FASN: variants seen among roughly 807,000 people sequenced by gnomAD.
FASN encodes 3-hydroxyacyl-[acyl-carrier-protein] dehydratase.
FASN carries 50 observed loss-of-function variants against 250.0 expected under a neutral mutation model. The observed-to-expected ratio is 0.20, with a 90% confidence interval of 0.16 to 0.25. FASN has a LOEUF of 0.25. Ranked by LOEUF, FASN falls within the 10% of genes least tolerant of loss-of-function variation. The pLI is 1.00. For missense variants in FASN, 3,031 were observed against 3,498.5 expected (o/e 0.87, Z 3.37); for synonymous variants, 1,909 against 1,584.0 (o/e 1.21, Z -4.87).
At position 82,090,378 on chromosome 17, in the gene FASN, C is replaced by T. The variant is rs750093311; in HGVS notation, c.1867G>A (p.Val623Met). Residue 623 changes from valine (V) to methionine (M), a missense_variant, in exon 11 of 43, where the codon GTG (valine) becomes ATG (methionine). By Grantham distance (21) the Val-to-Met change is conservative. Transcript: ENST00000306749. ...AHLPPGAMAA[V>M]GLSWEECKQR... ...GGGGCCCCTCCGGGAGACCTACCCA[C>T]GGCTGCCATGGCGCCCGGCGGGAGA... 4.4e-6 allele frequency: 7 copies of T among 1,585,100 alleles called. No individual in the cohort carries two copies. The highest frequency in any genetic ancestry group is 2.3e-5 in the East Asian group (1 of 43,798).
rs1351528132 is a variant in FASN, at chr17:82,085,020, G to A, written c.4409+15C>T. 4.4e-6 allele frequency: 7 copies of A among 1,601,750 alleles called. No homozygotes were observed. The highest frequency in any genetic ancestry group is 1.1e-5 in the South Asian group (1 of 89,840). ...CTGGTGGGGAAGGGGAAGTGGTGAGGGGCCGTGCTCCTACCGGAGGCGGTT... is the reference window on the plus strand; with the variant it reads ...CTGGTGGGGAAGGGGAAGTGGTGAGAGGCCGTGCTCCTACCGGAGGCGGTT... On this transcript the variant is annotated intron_variant, in intron 25 of 42. Coordinates refer to ENST00000306749, the MANE Select transcript of FASN (RefSeq NM_004104.5).
In FASN at chr17:82,091,285, G is replaced by A. The variant is rs1009899437; in HGVS notation, c.1429C>T (p.Arg477Cys). The change falls in exon 9 of 43, where the codon CGC becomes TGC. Residue 477 changes from arginine to cysteine, a missense_variant. Coordinates refer to ENST00000306749, the MANE Select transcript of FASN (RefSeq NM_004104.5). ...ACCTGCTGCACCTCTGGGCCACCGC[G>A]CTCACCACCCAGCACAGCGTAGCCA... ...FRGYAVLGGE[R>C]GGPEVQQVPA... The A allele has an allele frequency of 8.1e-6, 13 of 1,608,128 alleles. No homozygotes were observed. The highest frequency in any genetic ancestry group is 1.7e-5 in the Admixed American group (1 of 59,706).
chr17:82,084,190 C>T (rs541246772), intron 28 of FASN, 37 bp from the exon 29 acceptor site: 23 of 1,608,150 alleles, frequency 1.4e-5, no homozygotes, highest in Admixed American at 8.4e-5. Context: ...CAGGCCTGGC[C>T]GCCATCCACG....
rs769430516 is a variant in FASN, at chr17:82,089,159, G to A, written c.2114C>T (p.Pro705Leu). Residue 705 changes from proline to leucine, a missense_variant, in exon 14 of 43, where the codon CCG (proline) becomes CTG (leucine). Physicochemically the swap from Pro to Leu is moderately conservative, Grantham distance 98 (BLOSUM62 -3). Transcript: ENST00000306749. ...LQELKKVIRE[P>L]KPRSARWLST... ...GAGCCAGCGGGCTGAACGTGGCTTC[G>A]GCTCCCGGATCACCTGCATGAGGGG... 6.4e-7 allele frequency: 1 copy of A among 1,574,576 alleles called. No individual in the cohort carries two copies. Among genetic ancestry groups the A allele is most frequent in the Non-Finnish European group, 8.6e-7 (1 of 1,160,438 alleles).
chr17:82,088,719 C>T (rs766689558), intron 15 of FASN, 42 bp downstream of exon 15: 5 of 1,574,940 alleles, frequency 3.2e-6, no homozygotes, highest in Non-Finnish European at 3.5e-6. Flanking sequence ...CCACGCCGTC[C>T]CCGACTCCGG....
At chr17:82,080,338 C>G in intron 40 of FASN, 32 bp downstream of exon 40, 1 of 1,607,392 alleles carries the variant, frequency 6.2e-7, no homozygotes, top group Non-Finnish European at 8.5e-7. Flanking sequence ...CAGACGTTTG[C>G]CGTAGGCCTC....
intron 8 of FASN, 133 bp downstream of exon 8, chr17:82,092,322 C>T (rs575267148): frequency 2.3e-5 from 22 of 969,230 alleles, no homozygotes; most frequent in African/African-American, 6.4e-5. Context: ...CAGCATAGCC[C>T]GGGGGACAGA....
At position 82,088,951 on chromosome 17, in the gene FASN, C is replaced by T. The variant is rs1223568458; in HGVS notation, c.2304+18G>A. On this transcript the variant is annotated intron_variant, in intron 14 of 42. Coordinates refer to ENST00000306749, the MANE Select transcript of FASN (RefSeq NM_004104.5). ...CATCCCAGGCTCCCGGCGCCTGCTG[C>T]CCCCAGGCTGGGCCTACCTGCAGCA... 6.2e-7 allele frequency: 1 copy of T among 1,607,910 alleles called. No homozygotes were observed. The highest frequency in any genetic ancestry group is 2.2e-5 in the East Asian group (1 of 44,578).
Position 82,093,713 on chromosome 17 carries a change from G to A in FASN, c.339C>T (p.Gly113=), listed in dbSNP as rs778281758. The A allele has an allele frequency of 4.3e-6, 7 of 1,612,774 alleles. 1 individual carries two copies. Among genetic ancestry groups the A allele is most frequent in the South Asian group, 2.2e-5 (2 of 91,080 alleles). ...GGCTCAGGGCCTCCGAGGTCTCAGA[G>A]CCGCTCACGCCCACCCAGACGCCAG... is the stretch of plus-strand genomic sequence containing the variant. ...THTGVWVGVS[G]SETSEALSRD... Residue 113 remains glycine (G), a synonymous_variant, in exon 4 of 43, where the codon GGC becomes GGT. Transcript: ENST00000306749.
rs139717954 is a variant in FASN, at chr17:82,089,124, T to C, written c.2149A>G (p.Ile717Val). ...CTGCTGTGCCACTGGGCCTCGGGGA[T>C]AGAGGTGCTGAGCCAGCGGGCTGAA... Reference protein sequence around the residue: ...PRSARWLSTSIPEAQWHSSLA... With the variant: ...PRSARWLSTSVPEAQWHSSLA... The change falls in exon 14 of 43, where the codon ATC becomes GTC. Residue 717 changes from isoleucine to valine, a missense_variant. Transcript: ENST00000306749. The C allele has an allele frequency of 9.9e-5, 155 of 1,567,450 alleles. No homozygotes were observed. Among genetic ancestry groups the C allele is most frequent in the Non-Finnish European group, 1.2e-4 (142 of 1,156,510 alleles).
In FASN at chr17:82,089,134, G is replaced by C. The variant is rs779174092; in HGVS notation, c.2139C>G (p.Leu713=). 2 of 1,567,556 alleles carry C rather than the reference G, an allele frequency of 1.3e-6. No individual in the cohort carries two copies. The highest frequency in any genetic ancestry group is 1.7e-6 in the Non-Finnish European group (2 of 1,156,484). Residue 713 remains leucine (L), a synonymous_variant, in exon 14 of 43, where the codon CTC becomes CTG. Coordinates refer to ENST00000306749, the MANE Select transcript of FASN (RefSeq NM_004104.5). The part of the protein sequence containing the change: ...REPKPRSARW[L]STSIPEAQWH... ...ACTGGGCCTCGGGGATAGAGGTGCT[G>C]AGCCAGCGGGCTGAACGTGGCTTCG...
At chr17:82,096,831 T>G in intron 1 of FASN, 1 of 338,984 alleles carries the variant, frequency 2.9e-6, no homozygotes, top group Non-Finnish European at 5.8e-6. Context: ...TCCCAGGCCA[T>G]CCCTAGGGCA....
intron 10 of FASN, 23 bp from the exon 11 acceptor site, chr17:82,090,587 A>C: frequency 6.2e-7 from 1 of 1,602,838 alleles, no homozygotes; most frequent in Non-Finnish European, 8.5e-7. Flanking sequence ...CAGGACACTC[A>C]GGTTGCAACC....
In FASN at chr17:82,083,316, G is replaced by A; in HGVS notation, c.5451C>T (p.Gly1817=). 6.2e-7 allele frequency: 1 copy of A among 1,612,724 alleles called. No individual in the cohort carries two copies. Among genetic ancestry groups the A allele is most frequent in the Non-Finnish European group, 8.5e-7 (1 of 1,179,998 alleles). ...GGGGCCGTACCACCCCATCCCGGAT[G>A]CCGGCCTGCACAAGCGCCCACACCT... is the stretch of plus-strand genomic sequence containing the variant. ...WREVWALVQA[G]IRDGVVRPLK... The change falls in exon 32 of 43, where the codon GGC becomes GGT. Residue 1817 remains glycine, a synonymous_variant. Coordinates refer to ENST00000306749, the MANE Select transcript of FASN (RefSeq NM_004104.5).
chr17:82,097,764 G>C (rs1226321731), intron 1 of FASN, among the ~76,000 whole-genome samples: 1 of 152,064 alleles, frequency 6.6e-6, no homozygotes, highest in South Asian at 2.1e-4. Context: ...CCTCGGCTCC[G>C]GGGCGGCTCC....
rs369734537 is a variant in FASN at position 82,085,129 on chromosome 17, G to A, written c.4315C>T (p.Arg1439Trp). 1.3e-5 allele frequency: 21 copies of A among 1,612,536 alleles called. No individual in the cohort carries two copies. The highest frequency in any genetic ancestry group is 1.6e-4 in the Middle Eastern group (1 of 6,084). Residue 1439 changes from arginine to tryptophan, a missense_variant, in exon 25 of 43, where the codon CGG (arginine) becomes TGG (tryptophan). Physicochemically the swap from Arg to Trp is moderately radical, Grantham distance 101 (BLOSUM62 -3). Transcript: ENST00000306749. ...KGILADEDSS[R>W]PVWLKAINCA... ...TTGATGGCCTTCAGCCACACAGGCC[G>A]GGAAGAGTCTTCGTCAGCCAGGATG...
At chr17:82,089,828 T>C (rs1304922506) in intron 11 of FASN, 102 bp from the exon 12 acceptor site, 4 of 1,028,336 alleles carry the variant, frequency 3.9e-6, no homozygotes, top group East Asian at 2.6e-5. Flanking sequence ...TAATGACAAG[T>C]GTGGTAATGG....
At position 82,082,535 on chromosome 17, in the gene FASN, G is replaced by C. The variant is rs1469558593; in HGVS notation, c.5911C>G (p.Leu1971Val). 6.2e-7 allele frequency: 1 copy of C among 1,608,622 alleles called. No individual in the cohort carries two copies. The highest frequency in any genetic ancestry group is 8.5e-7 in the Non-Finnish European group (1 of 1,179,824). The part of the protein sequence containing the change: ...QLGPVGGVFN[L>V]AVVLRDGLLE... Reference sequence around the variant, plus strand: ...TTGGGGCCTTCCCTCACCACGGCCAGGTTGAAGACGCCGCCCACGGGCCCA... The same window carrying C: ...TTGGGGCCTTCCCTCACCACGGCCACGTTGAAGACGCCGCCCACGGGCCCA... Residue 1971 changes from leucine (L) to valine (V), a missense_variant, in exon 34 of 43, where the codon CTG becomes GTG. Physicochemically the swap from Leu to Val is conservative, Grantham distance 32. Coordinates refer to ENST00000306749, the MANE Select transcript of FASN (RefSeq NM_004104.5).
chr17:82,093,502 C>A (rs2034250361), intron 4 of FASN, 83 bp from the exon 5 acceptor site: 2 of 1,591,344 alleles, frequency 1.3e-6, no homozygotes, highest in East Asian at 2.3e-5. Context: ...AGGCTGGACA[C>A]ACACTGCACG....
Sources: allele counts gnomAD v4.1 joint callset (sites outside exome capture counted in the v4.1 genomes callset), GRCh38; gene constraint gnomAD v4.1.1; transcripts MANE v1.5; gene names NCBI Gene and HGNC (gene_info 2026-07-23, HGNC 2026-07-21).